NADK2: variants seen among roughly 807,000 people sequenced by gnomAD.
NADK2 encodes the protein NAD kinase 2, mitochondrial.
Under a neutral mutation model 62.1 loss-of-function variants are expected in NADK2, and 35 were observed. That is an observed-to-expected ratio of 0.56 (90% CI 0.43 to 0.75). NADK2 has a LOEUF of 0.75. Ranked by LOEUF, NADK2 falls within the 30% of genes least tolerant of loss-of-function variation. The pLI is 0.00. For missense variants in NADK2, 439 were observed against 561.3 expected (o/e 0.78, Z 2.20); for synonymous variants, 205 against 207.9 (o/e 0.99, Z 0.12).
chr5:36,220,948 A>G (rs1020833665), intron 4 of NADK2: 6 of 152,286 alleles, frequency 3.9e-5, no homozygotes, highest in African/African-American at 1.4e-4. Context: ...CTACCCCACA[A>G]TGAACAATCC....
chr5:36,209,109 C>G (rs1169007653), intron 7 of NADK2, among the ~76,000 whole-genome samples: 1 of 152,100 alleles, frequency 6.6e-6, no homozygotes, highest in East Asian at 1.9e-4. Flanking sequence ...AAAGTGAGTT[C>G]TAATACCTGC....
chr5:36,215,463 CTATTTTGAAATGAGG>C (rs1561064646), intron 6 of NADK2, among the ~76,000 whole-genome samples: 1 of 152,128 alleles, frequency 6.6e-6, no homozygotes, highest in African/African-American at 2.4e-5. Flanking sequence ...TCTCTTCCAG[CTATTTTGAAATGAGG>C]TATTTTGAAA....
chr5:36,230,941 G>T (rs1747686672), intron 1 of NADK2, among the ~76,000 whole-genome samples: 1 of 152,204 alleles, frequency 6.6e-6, no homozygotes, highest in African/African-American at 2.4e-5. Context: ...TATTACAACA[G>T]TTATATCTAA....
chr5:36,221,047 C>A (rs1747247683), intron 4 of NADK2: 1 of 152,232 alleles, frequency 6.6e-6, no homozygotes, highest in Admixed American at 6.5e-5. Context: ...GTCACACAGG[C>A]CATCCTTGAT....
intron 8 of NADK2, among the ~76,000 whole-genome samples, chr5:36,204,483 G>A (rs1746562668): frequency 6.6e-6 from 1 of 151,938 alleles, no homozygotes; most frequent in Non-Finnish European, 1.5e-5. Context: ...TTTCACTCTA[G>A]TTTTCAACAA....
chr5:36,214,508 G>T (rs924686125), intron 6 of NADK2, among the ~76,000 whole-genome samples: 1 of 152,118 alleles, frequency 6.6e-6, no homozygotes, highest in Non-Finnish European at 1.5e-5. Context: ...CAAGAGAATA[G>T]ATTACAAAAT....
intron 8 of NADK2, among the ~76,000 whole-genome samples, chr5:36,206,674 T>C (rs1231606933): frequency 6.6e-6 from 1 of 152,070 alleles, no homozygotes; most frequent in Non-Finnish European, 1.5e-5. Flanking sequence ...TGGCATGTAA[T>C]TTTAGAATAT....
At chr5:36,238,727 G>A (rs1209285131) in intron 1 of NADK2, among the ~76,000 whole-genome samples, 1 of 152,172 alleles carries the variant, frequency 6.6e-6, no homozygotes, top group East Asian at 1.9e-4. Flanking sequence ...TCATGAGACA[G>A]TAGAGGTAAA....
intron 8 of NADK2, among the ~76,000 whole-genome samples, chr5:36,202,001 C>T (rs1483464426): frequency 6.6e-6 from 1 of 152,028 alleles, no homozygotes; most frequent in Non-Finnish European, 1.5e-5. Context: ...ACTCTTCATA[C>T]ATGATCTCAA....
At chr5:36,237,373 A>T (rs2112206698) in intron 1 of NADK2, among the ~76,000 whole-genome samples, 1 of 152,312 alleles carries the variant, frequency 6.6e-6, no homozygotes, top group African/African-American at 2.4e-5. Context: ...TAAATAGTAT[A>T]TTATCATTGA....
At chr5:36,225,493 TA>T in intron 4 of NADK2, 48 bp downstream of exon 4, 1 of 1,517,286 alleles carries the variant, frequency 6.6e-7, no homozygotes. Flanking sequence ...AAAAAAAACT[TA>T]AAAAGCACAC....
At chr5:36,238,146 A>G (rs1163283539) in intron 1 of NADK2, among the ~76,000 whole-genome samples, 1 of 152,222 alleles carries the variant, frequency 6.6e-6, no homozygotes, top group Non-Finnish European at 1.5e-5. Flanking sequence ...ATTGCATACA[A>G]TGTAGCAAAA....
Position 36,241,676 on chromosome 5 carries a change from A to G in NADK2, c.123T>C (p.Gly41=). The G allele has an allele frequency of 8.3e-7, 1 of 1,200,696 alleles. No individual in the cohort carries two copies. The highest frequency in any genetic ancestry group is 1.0e-6 in the Non-Finnish European group (1 of 969,766). 74.4% of individuals were successfully genotyped at this position (1,200,696 alleles called of 1,614,324 possible). A position where few individuals can be genotyped will look rare whatever the true frequency, so the allele number is the denominator to read the frequency against. The part of the protein sequence containing the change: ...PAARPRLGGD[G]GGRRHLGQGQ... Reference sequence around the variant, plus strand: ...CCTGCCCCAGGTGCCGCCGGCCGCCACCGTCACCGCCCAGCCGGGGCCGCG... The same window carrying G: ...CCTGCCCCAGGTGCCGCCGGCCGCCGCCGTCACCGCCCAGCCGGGGCCGCG... The change falls in exon 1 of 12, where the codon GGT becomes GGC. Residue 41 remains glycine (G), a synonymous_variant. Coordinates refer to ENST00000381937, the MANE Select transcript of NADK2 (RefSeq NM_001085411.3). The surrounding 1 kb of genome is among the most constrained non-coding windows in gnomAD (Gnocchi z 4.9).
At position 36,226,498 on chromosome 5, in the gene NADK2, G is replaced by A. The variant is rs1747487976; in HGVS notation, c.455C>T (p.Ala152Val). Residue 152 changes from alanine (A) to valine (V), a missense_variant, in exon 3 of 12, where the codon GCA becomes GTA. Coordinates refer to ENST00000381937, the MANE Select transcript of NADK2 (RefSeq NM_001085411.3). ...REYDEETVRW[A>V]DAVIAAGGDG... ...ACCTCCTGCAGCTATGACAGCATCT[G>A]CCCATCGAACAGTCTCTTCATCATA... 1.2e-6 allele frequency: 2 copies of A among 1,612,544 alleles called. No individual in the cohort carries two copies. The highest frequency in any genetic ancestry group is 1.7e-5 in the Admixed American group (1 of 59,968).
Position 36,207,240 on chromosome 5 carries a change from C to T in NADK2, c.886G>A (p.Asp296Asn), listed in dbSNP as rs766731261. The T allele has an allele frequency of 6.2e-7, 1 of 1,612,770 alleles. No homozygotes were observed. The highest frequency in any genetic ancestry group is 2.2e-5 in the East Asian group (1 of 44,852). ...SRASYYEISVDDGPWEKQKSS... is the reference protein window; with the variant it reads ...SRASYYEISVNDGPWEKQKSS... Reference sequence around the variant, plus strand: ...TTCTGTTTTTCCCATGGACCATCATCAACTGAAATCTCATAGTAGGAAGCC... The same window carrying T: ...TTCTGTTTTTCCCATGGACCATCATTAACTGAAATCTCATAGTAGGAAGCC... Residue 296 changes from aspartate to asparagine, a missense_variant, in exon 8 of 12, where the codon GAT becomes AAT. Physicochemically the swap from Asp to Asn is conservative, Grantham distance 23. Coordinates refer to ENST00000381937, the MANE Select transcript of NADK2 (RefSeq NM_001085411.3).
intron 8 of NADK2, among the ~76,000 whole-genome samples, 193 bp downstream of exon 8, chr5:36,206,977 C>T (rs924873870): frequency 7.2e-5 from 11 of 152,064 alleles, no homozygotes; most frequent in Admixed American, 3.3e-4. Context: ...ATGACCAAAT[C>T]CAGGCTGTAA....
At chr5:36,240,179 C>T (rs1748054184) in intron 1 of NADK2, among the ~76,000 whole-genome samples, 1 of 152,200 alleles carries the variant, frequency 6.6e-6, no homozygotes. Context: ...CTCTAACCTC[C>T]TGTTCAAACC....
chr5:36,197,736 A>T (rs1746286455), intron 10 of NADK2, 72 bp from the exon 11 acceptor site: 1 of 1,252,420 alleles, frequency 8.0e-7, no homozygotes, highest in Non-Finnish European at 1.1e-6. Context: ...CAAAAAATAG[A>T]TGCCATCCCC....
In NADK2 at chr5:36,194,543, TC is replaced by T. The variant is rs1330444441; in HGVS notation, c.*600del. 6.6e-6 allele frequency: 1 copy of T among 152,214 alleles called. No homozygotes were observed. The highest frequency in any genetic ancestry group is 1.5e-5 in the Non-Finnish European group (1 of 68,026). The allele number at this position is 152,214 out of a possible 1,614,324, so 9.4% of individuals were successfully genotyped here. Reference sequence around the variant, plus strand: ...AATGAAACTCAAATGAAAGCATTCATCTATAATTTCAAAAATTATTATTTGA... The same window carrying T: ...AATGAAACTCAAATGAAAGCATTCATTATAATTTCAAAAATTATTATTTGA... On this transcript the variant is annotated 3_prime_UTR_variant, in exon 12 of 12. Coordinates refer to ENST00000381937, the MANE Select transcript of NADK2 (RefSeq NM_001085411.3).
Sources: allele counts gnomAD v4.1 joint callset (sites outside exome capture counted in the v4.1 genomes callset), GRCh38; gene constraint gnomAD v4.1.1; non-coding constraint Gnocchi (gnomAD v3.1); transcripts MANE v1.5; gene names NCBI Gene and HGNC (gene_info 2026-07-23, HGNC 2026-07-21).